CCDC38: variants seen among roughly 807,000 people sequenced by gnomAD.
CCDC38 encodes coiled-coil domain-containing protein 38.
A neutral mutation model predicts 72.8 loss-of-function variants in CCDC38; 69 were observed. The ratio of observed to expected loss-of-function variants is 0.95; its 90% CI spans 0.78 to 1.16. CCDC38 has a LOEUF of 1.16. Among genes scored for constraint, CCDC38 ranks in the 50% most tolerant of loss-of-function variants. The probability of loss-of-function intolerance (pLI) is 0.00; values close to 1 mark genes in which losing one functional copy is unlikely to be tolerated. For missense variants in CCDC38, 626 were observed against 638.9 expected, an observed-to-expected ratio of 0.98 and a Z score of 0.22; for synonymous variants, 201 against 213.2, an observed-to-expected ratio of 0.94 and a Z score of 0.50.
Position 95,917,057 on chromosome 12 carries a change from AAC to A in CCDC38, c.304+70_304+71del, listed in dbSNP as rs2080151882. On this transcript the variant is annotated intron_variant, in intron 4 of 15. Coordinates refer to ENST00000344280, the MANE Select transcript of CCDC38 (RefSeq NM_182496.3). ...ATACTGTCTGTTTTAATCACCCTCC[AAC>A]AAAGCTCCCAAACCTGACATTAATA... The A allele has an allele frequency of 5.4e-6, 7 of 1,301,734 alleles. No individual in the cohort carries two copies. In the South Asian group the frequency reaches 1.1e-4, roughly 21 times the overall value. The allele number at this position is 1,301,734 out of a possible 1,614,324, so 80.6% of individuals were successfully genotyped here.
At chr12:95,940,717 C>T (rs2080440569) in intron 1 of CCDC38, among the ~76,000 whole-genome samples, 1 of 152,108 alleles carries the variant, frequency 6.6e-6, no homozygotes, top group Non-Finnish European at 1.5e-5. Context: ...GGTCCTTGGC[C>T]TGCTTAGATG....
At chr12:95,931,156 GTTCC>G (rs2080333368) in intron 2 of CCDC38, among the ~76,000 whole-genome samples, 1 of 152,194 alleles carries the variant, frequency 6.6e-6, no homozygotes, top group Non-Finnish European at 1.5e-5. Context: ...ATAGAGCTGT[GTTCC>G]TTCTGGAGGC....
At chr12:95,904,868 A>T (rs2079985312) in intron 5 of CCDC38, among the ~76,000 whole-genome samples, 1 of 152,328 alleles carries the variant, frequency 6.6e-6, no homozygotes, top group Non-Finnish European at 1.5e-5. Context: ...ATTAAGTATG[A>T]TATAGATTAC....
chr12:95,884,867 T>A (rs1025083429), intron 10 of CCDC38, among the ~76,000 whole-genome samples: 4 of 151,968 alleles, frequency 2.6e-5, no homozygotes, highest in South Asian at 2.1e-4. Flanking sequence ...GTAATAAAAA[T>A]ATATATATTT....
Position 95,879,600 on chromosome 12 carries a change from G to A in CCDC38, c.1142+44C>T. Reference sequence around the variant, plus strand: ...GTGAGTTGGACCCAGGCTCTGGTTAGAAATTGCTTAATGGAATAAATCTAC... The same window carrying A: ...GTGAGTTGGACCCAGGCTCTGGTTAAAAATTGCTTAATGGAATAAATCTAC... On this transcript the variant is annotated intron_variant, in intron 12 of 15. Coordinates refer to ENST00000344280, the MANE Select transcript of CCDC38 (RefSeq NM_182496.3). The surrounding 1 kb of genome is among the most constrained non-coding windows in gnomAD (Gnocchi z 5.5). 2 of 1,418,210 alleles carry A rather than the reference G, an allele frequency of 1.4e-6. No individual in the cohort carries two copies. The highest frequency in any genetic ancestry group is 2.6e-5 in the South Asian group (2 of 75,784). The allele number at this position is 1,418,210 out of a possible 1,614,324, so 87.9% of individuals were successfully genotyped here. A position where few individuals can be genotyped will look rare whatever the true frequency, so the allele number is the denominator to read the frequency against.
chr12:95,910,513 A>G (rs1385605918), intron 4 of CCDC38, among the ~76,000 whole-genome samples: 2 of 152,230 alleles, frequency 1.3e-5, no homozygotes, highest in African/African-American at 4.8e-5. Context: ...TACAGATTCA[A>G]TGCTATTCCT....
At chr12:95,909,832 C>T (rs373863480) in intron 4 of CCDC38, among the ~76,000 whole-genome samples, 1 of 152,156 alleles carries the variant, frequency 6.6e-6, no homozygotes, top group Non-Finnish European at 1.5e-5. Context: ...CCAGAAAAAG[C>T]ATTCAATAAA....
At chr12:95,938,645 TC>T (rs2080418247) in intron 1 of CCDC38, among the ~76,000 whole-genome samples, 1 of 152,210 alleles carries the variant, frequency 6.6e-6, no homozygotes, top group Admixed American at 6.5e-5. Flanking sequence ...CTTCTATACT[TC>T]CATATGCATG....
chr12:95,893,132 A>G (rs2079846754), intron 8 of CCDC38, among the ~76,000 whole-genome samples: 1 of 152,212 alleles, frequency 6.6e-6, no homozygotes, highest in South Asian at 2.1e-4. Context: ...TTATAATTCC[A>G]TAAAACTTAT....
chr12:95,904,544 A>G (rs1243977306), intron 5 of CCDC38, among the ~76,000 whole-genome samples: 2 of 152,258 alleles, frequency 1.3e-5, no homozygotes, highest in Admixed American at 1.3e-4. Flanking sequence ...TCTAAATGCA[A>G]AGCTTCCAGT....
intron 4 of CCDC38, among the ~76,000 whole-genome samples, chr12:95,908,469 G>C (rs1442834364): frequency 0.3 from 3 of 10 alleles, 1 homozygote; most frequent in Non-Finnish European, 0.38. Context: ...GGGAGAGGGA[G>C]AGGGAGAGGG....
At chr12:95,907,617 G>A (rs1343833666) in intron 4 of CCDC38, among the ~76,000 whole-genome samples, 2 of 138,846 alleles carry the variant, frequency 1.4e-5, no homozygotes, top group Admixed American at 6.8e-5. Context: ...GGTGGCTGCC[G>A]GGCGGAGACG....
chr12:95,906,403 T>C lies in CCDC38; in HGVS notation c.353A>G (p.Asp118Gly). The change falls in exon 5 of 16, where the codon GAC becomes GGC. Residue 118 changes from aspartate to glycine, a missense_variant. Coordinates refer to ENST00000344280, the MANE Select transcript of CCDC38 (RefSeq NM_182496.3). The part of the protein sequence containing the change: ...TVHEFINDQR[D>G]RFLLEYALST... ...TTTTACTACCTCGAGCAGAAACCTGTCTCTCTGGTCATTAATAAATTCATG... is the reference window on the plus strand; with the variant it reads ...TTTTACTACCTCGAGCAGAAACCTGCCTCTCTGGTCATTAATAAATTCATG... 1 of 1,612,748 alleles carries C rather than the reference T, an allele frequency of 6.2e-7. No individual in the cohort carries two copies. Among genetic ancestry groups the C allele is most frequent in the Non-Finnish European group, 8.5e-7 (1 of 1,179,060 alleles).
Position 95,926,134 on chromosome 12 carries a change from AC to A in CCDC38, c.38-7159del, listed in dbSNP as rs748038515. 1.7e-3 allele frequency among the ~76,000 whole-genome samples: 253 copies of A among 144,630 alleles called. 1 individual carries two copies. The highest frequency in any genetic ancestry group is 5.5e-4 in the Non-Finnish European group (36 of 65,676). 94.9% of individuals were successfully genotyped at this position (144,630 alleles called of 152,430 possible). A position where few individuals can be genotyped will look rare whatever the true frequency, so the allele number is the denominator to read the frequency against. Reference sequence around the variant, plus strand: ...AGGAATGGTACCAGTTCCTCCTTGTACCTCTGGTAGAATTCGGCTGTGAATC... The same window carrying A: ...AGGAATGGTACCAGTTCCTCCTTGTACTCTGGTAGAATTCGGCTGTGAATC... On this transcript the variant is annotated intron_variant, in intron 2 of 15. Coordinates refer to ENST00000344280, the MANE Select transcript of CCDC38 (RefSeq NM_182496.3).
chr12:95,892,108 G>A (rs1348604858), intron 8 of CCDC38, among the ~76,000 whole-genome samples: 1 of 128,072 alleles, frequency 7.8e-6, no homozygotes, highest in Non-Finnish European at 1.6e-5. Context: ...TTTTTGAGAC[G>A]GAGTCTCACT....
intron 4 of CCDC38, among the ~76,000 whole-genome samples, chr12:95,913,929 C>T (rs1345890676): frequency 6.6e-6 from 1 of 151,666 alleles, no homozygotes; most frequent in East Asian, 2.0e-4. Context: ...TCATCAGACA[C>T]AACGAGGAGG....
chr12:95,895,203 A>T (rs571758865), intron 7 of CCDC38, 57 bp from the exon 8 acceptor site: 2 of 1,324,480 alleles, frequency 1.5e-6, no homozygotes, highest in Admixed American at 2.7e-5. Flanking sequence ...CACATTCATT[A>T]GAAAAAAATT....
At chr12:95,912,534 G>C (rs975880696) in intron 4 of CCDC38, among the ~76,000 whole-genome samples, 1 of 152,160 alleles carries the variant, frequency 6.6e-6, no homozygotes. Flanking sequence ...GAAAAAGTTT[G>C]AGTGTGCTGT....
intron 10 of CCDC38, chr12:95,885,772 C>T (rs2079752133): frequency 6.7e-6 from 1 of 149,768 alleles, no homozygotes; most frequent in Admixed American, 6.6e-5. Context: ...TTAGGAGCAA[C>T]TATCCACGAG....
Sources: allele counts gnomAD v4.1 joint callset (sites outside exome capture counted in the v4.1 genomes callset), GRCh38; gene constraint gnomAD v4.1.1; non-coding constraint Gnocchi (gnomAD v3.1); transcripts MANE v1.5; gene names NCBI Gene and HGNC (gene_info 2026-07-23, HGNC 2026-07-21).